Variants in PDE4D observed in about 807,000 individuals in gnomAD.
PDE4D encodes 3',5'-cyclic-AMP phosphodiesterase 4D.
A neutral mutation model predicts 87.4 loss-of-function variants in PDE4D; 24 were observed. That is an observed-to-expected ratio of 0.27 (90% CI 0.20 to 0.39). The LOEUF (loss-of-function observed/expected upper bound fraction) is 0.39. PDE4D is among the 10% of genes least tolerant of loss of function. PDE4D has a pLI of 1.00. For synonymous variants in PDE4D, 384 were observed against 383.2 expected (o/e 1.00, Z -0.02); for missense variants, 714 against 1,041.0 (o/e 0.69, Z 4.32).
intron 3 of PDE4D, among the ~76,000 whole-genome samples, chr5:59,900,184 G>A (rs985327888): frequency 2.7e-5 from 4 of 150,728 alleles, no homozygotes; most frequent in African/African-American, 4.9e-5. Context: ...ATGTTGCAGT[G>A]AGCCATGATC....
chr5:59,419,406 A>G (rs2153626419), intron 1 of PDE4D, among the ~76,000 whole-genome samples: 1 of 152,318 alleles, frequency 6.6e-6, no homozygotes, highest in South Asian at 2.1e-4. Context: ...AAGTGAATGT[A>G]TGAGTGAATT....
At position 60,496,505 on chromosome 5, in the gene PDE4D, A is replaced by G. The variant is rs77135053; in HGVS notation, n.70+25546T>C. Among the ~76,000 whole-genome samples the G allele has an allele frequency of 8.4e-3, 1,286 of 152,314 alleles. 16 individuals carry two copies. The highest frequency in any genetic ancestry group is 0.029 in the African/African-American group (1,214 of 41,572). The stretch of plus-strand genomic sequence containing the variant: ...CCCTGCATTAAAATAAGTGGAAGTT[A>G]TTCAAAAGCCCACTTAGCTTTCTCT... On this transcript the variant is annotated intron_variant and non_coding_transcript_variant, in intron 1 of 2. Coordinates refer to the PDE4D transcript ENST00000506510.
intron 1 of PDE4D, among the ~76,000 whole-genome samples, chr5:60,477,262 G>C (rs753965611): frequency 3.3e-5 from 5 of 152,140 alleles, no homozygotes; most frequent in Admixed American, 3.3e-4. Flanking sequence ...CTCAGGGATA[G>C]ATATGAATAA....
At chr5:60,339,450 C>T (rs1758117191) in intron 1 of PDE4D, among the ~76,000 whole-genome samples, 1 of 152,138 alleles carries the variant, frequency 6.6e-6, no homozygotes, top group Admixed American at 6.5e-5. Flanking sequence ...CATGAAATTT[C>T]ATCACACTAC....
At chr5:60,279,681 T>A (rs1452932810) in intron 1 of PDE4D, among the ~76,000 whole-genome samples, 1 of 138,814 alleles carries the variant, frequency 7.2e-6, no homozygotes. Flanking sequence ...GTGTTGTTGA[T>A]TTCTTTTTTT....
chr5:60,262,363 A>C lies in PDE4D; in HGVS notation c.-89-76676T>G, dbSNP rs552429053. On this transcript the variant is annotated intron_variant, in intron 1 of 16. Transcript: ENST00000502484. ...GCTTTTAAGAACAGAAACTTTTGGA[A>C]TCAGGCAAACTTAAGTTCAAATCCT... 2.0e-5 allele frequency: 3 copies of C among 152,306 alleles called. No homozygotes were observed. In the East Asian group the frequency reaches 5.8e-4, roughly 29 times the overall value. The allele number at this position is 152,306 out of a possible 1,614,324, so 9.4% of individuals were successfully genotyped here.
intron 3 of PDE4D, among the ~76,000 whole-genome samples, chr5:59,912,003 A>G (rs183306455): frequency 2.9e-4 from 44 of 152,292 alleles, no homozygotes; most frequent in Non-Finnish European, 1.3e-4. Flanking sequence ...TTTTCATAGA[A>G]TATTCTTTTT....
chr5:60,426,639 C>T (rs1246337773), intron 1 of PDE4D, among the ~76,000 whole-genome samples: 2 of 151,990 alleles, frequency 1.3e-5, no homozygotes, highest in African/African-American at 4.8e-5. Flanking sequence ...ATGTAACAAA[C>T]CTGCACGCTG....
At chr5:60,278,648 AT>A (rs1185256783) in intron 1 of PDE4D, among the ~76,000 whole-genome samples, 1 of 150,270 alleles carries the variant, frequency 6.7e-6, no homozygotes, top group Non-Finnish European at 1.5e-5. Context: ...CCATTTTATT[AT>A]TTTTTTATCT....
intron 5 of PDE4D, among the ~76,000 whole-genome samples, chr5:59,117,855 AAGG>A (rs1175260581): frequency 2.7e-5 from 4 of 146,604 alleles, no homozygotes; most frequent in Admixed American, 1.4e-4. Context: ...GAAAAGGAGG[AAGG>A]AGAACTGGCT....
In PDE4D at chr5:59,432,089, TA is replaced by T. The variant is rs1796189289; in HGVS notation, c.456-216122del. 2.0e-5 allele frequency among the ~76,000 whole-genome samples: 3 copies of T among 152,090 alleles called. No individual in the cohort carries two copies. In the South Asian group the frequency reaches 6.2e-4, roughly 31 times the overall value. On this transcript the variant is annotated intron_variant, in intron 1 of 14. Coordinates refer to ENST00000340635, the MANE Select transcript of PDE4D (RefSeq NM_001104631.2). ...GCCAAATGACACAGAAATGTGAAGA[TA>T]AAAAAGATTGCTGTCTTTTCCCTTC...
chr5:59,459,279 A>T (rs917835862), intron 1 of PDE4D, among the ~76,000 whole-genome samples: 1 of 152,208 alleles, frequency 6.6e-6, no homozygotes, highest in Non-Finnish European at 1.5e-5. Flanking sequence ...TCATTTGGGA[A>T]GCAACTTTCT....
Position 59,365,748 on chromosome 5 carries a change from C to T in PDE4D, c.456-149780G>A, listed in dbSNP as rs75090064. 2.6e-4 allele frequency among the ~76,000 whole-genome samples: 39 copies of T among 152,226 alleles called. No individual in the cohort carries two copies. In the East Asian group the frequency reaches 7.2e-3, roughly 28 times the overall value. ...TCCTGGTGCCTCCTTACAAAACTTG[C>T]AAACCAGCAAGAATCTTACCTCGGA... On this transcript the variant is annotated intron_variant, in intron 1 of 14. Transcript: ENST00000340635.
chr5:60,147,810 T>C (rs562792827), intron 2 of PDE4D: 16 of 455,830 alleles, frequency 3.5e-5, no homozygotes, highest in Admixed American at 1.6e-4. Flanking sequence ...TATTTTACCA[T>C]GTGGCCTTCT....
chr5:59,422,795 A>G (rs1794671030), intron 1 of PDE4D, among the ~76,000 whole-genome samples: 1 of 152,174 alleles, frequency 6.6e-6, no homozygotes, highest in Non-Finnish European at 1.5e-5. Flanking sequence ...GTGATGGATA[A>G]ATGCTGAACT....
intron 1 of PDE4D, among the ~76,000 whole-genome samples, chr5:59,702,701 T>G (rs1411368904): frequency 3.3e-5 from 5 of 151,408 alleles, no homozygotes; most frequent in Non-Finnish European, 7.4e-5. Context: ...AAACCTCATC[T>G]CTACAAAAAA....
At chr5:60,307,054 G>C (rs1473804709) in intron 1 of PDE4D, among the ~76,000 whole-genome samples, 1 of 151,798 alleles carries the variant, frequency 6.6e-6, no homozygotes, top group Non-Finnish European at 1.5e-5. Context: ...TACCATACCT[G>C]ACAATGATTA....
intron 1 of PDE4D, among the ~76,000 whole-genome samples, chr5:59,750,825 AC>A (rs1409208934): frequency 1.3e-5 from 2 of 151,870 alleles, no homozygotes; most frequent in Non-Finnish European, 2.9e-5. Flanking sequence ...AGTCCCAGCT[AC>A]CTGAGAGGTT....
At chr5:60,065,323 C>A (rs1771929839) in intron 2 of PDE4D, among the ~76,000 whole-genome samples, 1 of 151,522 alleles carries the variant, frequency 6.6e-6, no homozygotes, top group African/African-American at 2.4e-5. Flanking sequence ...GGGCTATGAT[C>A]TATTATTTAT....
Sources: gnomAD v4.1 joint callset for allele counts (sites outside exome capture counted in the v4.1 genomes callset) on GRCh38, gnomAD v4.1.1 for gene constraint, MANE v1.5 for transcripts, NCBI Gene and HGNC (gene_info 2026-07-23, HGNC 2026-07-21) for gene names.